The following PRR5 variants were observed in gnomAD, a reference collection of about 807,000 sequenced individuals.
The protein encoded by PRR5 is proline rich 5.
In PRR5, 25 loss-of-function variants were observed where a neutral mutation model predicts 30.6. The ratio of observed to expected loss-of-function variants is 0.82; its 90% CI spans 0.60 to 1.14. The LOEUF (loss-of-function observed/expected upper bound fraction) is 1.14. Ranked by LOEUF, PRR5 falls within the 50% of genes most tolerant of loss-of-function variation. The pLI is 0.00. For missense variants in PRR5, 600 were observed against 547.1 expected, an observed-to-expected ratio of 1.10 and a Z score of -0.96; for synonymous variants, 286 against 247.1, an observed-to-expected ratio of 1.16 and a Z score of -1.48.
intron 1 of PRR5, among the ~76,000 whole-genome samples, chr22:44,712,985 C>G (rs142179291): frequency 6.6e-6 from 1 of 152,168 alleles, no homozygotes; most frequent in Non-Finnish European, 1.5e-5. Context: ...AGCTGCTTGC[C>G]TCATGGATAG....
chr22:44,731,547 A>G, intron 4 of PRR5, 183 bp from the exon 5 acceptor site: 2 of 615,814 alleles, frequency 3.2e-6, no homozygotes, highest in Non-Finnish European at 5.8e-6. Context: ...ACTGAGGTTA[A>G]GCAGTGGGCC....
In PRR5 at chr22:44,732,243, GT is replaced by G; in HGVS notation, c.415-7del. The G allele has an allele frequency of 6.2e-7, 1 of 1,610,522 alleles. No homozygotes were observed. Among genetic ancestry groups the G allele is most frequent in the Non-Finnish European group, 8.5e-7 (1 of 1,179,430 alleles). On this transcript the variant is annotated splice_region_variant and splice_polypyrimidine_tract_variant and intron_variant, in intron 5 of 7. Transcript: ENST00000336985. ...CAGCCGGTGGGGTGGGGTGCCTTCC[GT>G]CCACAGGGCAAGGAGCCATCGGTGC... is the stretch of plus-strand genomic sequence containing the variant.
At chr22:44,722,157 T>C (rs143727120) in intron 2 of PRR5, among the ~76,000 whole-genome samples, 2 of 152,270 alleles carry the variant, frequency 1.3e-5, no homozygotes, top group Non-Finnish European at 2.9e-5. Context: ...TTCACAGTTG[T>C]GCAAGGGAGG....
At chr22:44,729,275 A>G (rs1375263639) in intron 4 of PRR5, 3 of 927,112 alleles carry the variant, frequency 3.2e-6, no homozygotes, top group Non-Finnish European at 1.3e-6. Flanking sequence ...ACTGTTCCTG[A>G]GTCTCCCGAC....
At chr22:44,686,088 A>C (rs1924723044) in intron 1 of PRR5, among the ~76,000 whole-genome samples, 1 of 152,120 alleles carries the variant, frequency 6.6e-6, no homozygotes, top group East Asian at 1.9e-4. Flanking sequence ...CCCCGTTTCT[A>C]CTAAAAGTAC....
intron 1 of PRR5, among the ~76,000 whole-genome samples, chr22:44,683,822 G>T (rs933619184): frequency 3.9e-5 from 6 of 152,172 alleles, no homozygotes; most frequent in African/African-American, 1.4e-4. Flanking sequence ...AAGCCTACTC[G>T]CGAGCCACCC....
chr22:44,680,572 G>A (rs1272814334), intron 1 of PRR5, among the ~76,000 whole-genome samples: 3 of 152,194 alleles, frequency 2.0e-5, no homozygotes, highest in Non-Finnish European at 2.9e-5. Context: ...AGCAGGACTC[G>A]CCAGCCTTTG....
chr22:44,702,179 T>TCCGCCCCC (rs1926398285), upstream of PRR5: 3 of 841,708 alleles, frequency 3.6e-6, no homozygotes, highest in South Asian at 5.7e-5. Flanking sequence ...GACCCGCCCC[T>TCCGCCCCC]GGGCCCGCCC....
chr22:44,678,198 C>T (rs1461599282), intron 1 of PRR5, among the ~76,000 whole-genome samples: 1 of 152,158 alleles, frequency 6.6e-6, no homozygotes, highest in Non-Finnish European at 1.5e-5. Flanking sequence ...CGCTCACCAC[C>T]TGCCCGGACA....
intron 4 of PRR5, among the ~76,000 whole-genome samples, chr22:44,727,160 GT>G (rs1007184906): frequency 1.6e-4 from 24 of 151,996 alleles, no homozygotes; most frequent in African/African-American, 4.8e-4. Context: ...CACATCAGGG[GT>G]GGGGGCGGGA....
At chr22:44,701,406 T>A (rs1435867720), upstream of PRR5, among the ~76,000 whole-genome samples, 2 of 152,232 alleles carry the variant, frequency 1.3e-5, no homozygotes, top group East Asian at 3.8e-4. Context: ...AGCCTCAATG[T>A]CCTCAACTGG....
chr22:44,710,653 C>A (rs1430591948), intron 1 of PRR5, among the ~76,000 whole-genome samples: 1 of 152,168 alleles, frequency 6.6e-6, no homozygotes. Flanking sequence ...TACCAAACAC[C>A]CTTAGCCTAC....
intron 3 of PRR5, 149 bp downstream of exon 3, chr22:44,725,441 A>G (rs1298511639): frequency 6.7e-6 from 7 of 1,041,664 alleles, no homozygotes; most frequent in Non-Finnish European, 8.3e-6. Context: ...TTATCTAGCC[A>G]CGTGGAATGT....
intron 2 of PRR5, among the ~76,000 whole-genome samples, chr22:44,723,106 C>T (rs1313579605): frequency 1.3e-5 from 2 of 151,882 alleles, no homozygotes; most frequent in African/African-American, 4.8e-5. Flanking sequence ...CTGTCTCAGA[C>T]TCCCGAGGAG....
chr22:44,736,261 C>T (rs561645529), intron 7 of PRR5, among the ~76,000 whole-genome samples: 15 of 152,224 alleles, frequency 9.9e-5, no homozygotes, highest in African/African-American at 1.2e-4. Context: ...ATGGAATCCC[C>T]GCCTTGACCT....
At chr22:44,726,673 T>C (rs754899098) in intron 4 of PRR5, 39 bp downstream of exon 4, 2 of 1,613,756 alleles carry the variant, frequency 1.2e-6, no homozygotes, top group South Asian at 2.2e-5. Flanking sequence ...TGGGCCATGC[T>C]GGGTCCTGGC....
intron 2 of PRR5, among the ~76,000 whole-genome samples, chr22:44,714,954 GT>G (rs1326145990): frequency 2.0e-5 from 3 of 152,250 alleles, no homozygotes; most frequent in African/African-American, 7.2e-5. Context: ...GGGAAGCAGG[GT>G]GGGACTTGGA....
In PRR5 at chr22:44,702,448, G is replaced by T. The variant is rs905036641; in HGVS notation, c.-27G>T. 7.6e-7 allele frequency: 1 copy of T among 1,311,036 alleles called. No homozygotes were observed. Among genetic ancestry groups the T allele is most frequent in the Non-Finnish European group, 9.7e-7 (1 of 1,026,366 alleles). The allele number at this position is 1,311,036 out of a possible 1,614,324, so 81.2% of individuals were successfully genotyped here. A position where few individuals can be genotyped will look rare whatever the true frequency, so the allele number is the denominator to read the frequency against. On this transcript the variant is annotated 5_prime_UTR_variant, in exon 1 of 8. Transcript: ENST00000336985. ...CAGGGCGCGGCGTGGGGCGCGCGTG[G>T]GCGCGGCGCAGGCGGCCCGGGTCAC...
At chr22:44,715,923 A>G in intron 2 of PRR5, among the ~76,000 whole-genome samples, 1 of 152,236 alleles carries the variant, frequency 6.6e-6, no homozygotes, top group East Asian at 1.9e-4. Context: ...TGTTAGAATT[A>G]CAGGTGTGAG....
Sources: allele counts gnomAD v4.1 joint callset (sites outside exome capture counted in the v4.1 genomes callset), GRCh38; gene constraint gnomAD v4.1.1; transcripts MANE v1.5; gene names NCBI Gene and HGNC (gene_info 2026-07-23, HGNC 2026-07-21).